The following DUSP16 variants were observed in gnomAD, a reference collection of about 807,000 sequenced individuals.
DUSP16 encodes dual specificity phosphatase 16.
Under a neutral mutation model 58.3 loss-of-function variants are expected in DUSP16, and 21 were observed. The observed-to-expected ratio is 0.36, with a 90% CI of 0.26 to 0.52. The LOEUF (loss-of-function observed/expected upper bound fraction) is 0.52. Among genes scored for constraint, DUSP16 ranks in the 20% least tolerant of loss-of-function variants. The probability of loss-of-function intolerance (pLI) is 0.94; values close to 1 mark genes in which losing one functional copy is unlikely to be tolerated. For synonymous variants in DUSP16, 320 were observed against 323.8 expected, an observed-to-expected ratio of 0.99 and a Z score of 0.12; for missense variants, 726 against 819.0, an observed-to-expected ratio of 0.89 and a Z score of 1.39.
rs932946358 is a variant in DUSP16, at chr12:12,539,938, C to CGGGAGGCTG, written c.-365-18484_-365-18476dup. 4.0e-5 allele frequency among the ~76,000 whole-genome samples: 6 copies of CGGGAGGCTG among 151,768 alleles called. No individual in the cohort carries two copies. The South Asian group carries it at 1.3e-3, about 32-fold the overall frequency. ...GCGTGGTAGCATAGTCCCAGCTACT[C>CGGGAGGCTG]GGGAGGCTGGGGAGGCTGAAGCAGG... On this transcript the variant is annotated intron_variant, in intron 1 of 6. Transcript: ENST00000298573.
At chr12:12,512,230 A>G (rs889867109) in intron 3 of DUSP16, among the ~76,000 whole-genome samples, 1 of 152,224 alleles carries the variant, frequency 6.6e-6, no homozygotes, top group Non-Finnish European at 1.5e-5. Context: ...TATGATTAAC[A>G]AACAAAAATT....
At chr12:12,492,402 A>G (rs992757372) in intron 4 of DUSP16, among the ~76,000 whole-genome samples, 2 of 152,130 alleles carry the variant, frequency 1.3e-5, no homozygotes, top group Admixed American at 6.5e-5. Context: ...GCCCAGATAT[A>G]ATGCCTTCCC....
chr12:12,478,202 T>C (rs1441705339), intron 6 of DUSP16, among the ~76,000 whole-genome samples, 187 bp from the exon 7 acceptor site: 1 of 152,096 alleles, frequency 6.6e-6, no homozygotes, highest in African/African-American at 2.4e-5. Context: ...TGGGGAAGCT[T>C]TGCACACATC....
chr12:12,523,756 G>A (rs1385635766), intron 1 of DUSP16, among the ~76,000 whole-genome samples: 2 of 152,242 alleles, frequency 1.3e-5, no homozygotes, highest in Admixed American at 6.5e-5. Flanking sequence ...CAGAGTTCAC[G>A]GCAATGTAAG....
intron 3 of DUSP16, among the ~76,000 whole-genome samples, chr12:12,511,094 T>A (rs1944071887): frequency 6.6e-6 from 1 of 152,234 alleles, no homozygotes; most frequent in African/African-American, 2.4e-5. Flanking sequence ...GTAATCTGAA[T>A]TAGTTAAAAA....
rs1167825064 is a variant in DUSP16, at chr12:12,477,603, A to C, written c.1228T>G (p.Ser410Ala). The C allele has an allele frequency of 1.2e-6, 2 of 1,614,230 alleles. No individual in the cohort carries two copies. Among genetic ancestry groups the C allele is most frequent in the East Asian group, 4.5e-5 (2 of 44,882 alleles). The change falls in exon 7 of 7, where the codon TCA becomes GCA. Residue 410 changes from serine (S) to alanine (A), a missense_variant. Transcript: ENST00000298573. The surrounding 1 kb of genome is among the most constrained non-coding windows in gnomAD (Gnocchi z 4.1). ...TGTAAGGATGCTGCCATGCTGGCTG[A>C]ATATGAAACTGATTTGATATCCAGA... ...FSLDIKSVSY[S>A]ASMAASLHGF...
rs1309373163 is a variant in DUSP16 at position 12,521,333 on chromosome 12, T to C, written c.-235A>G. On this transcript the variant is annotated 5_prime_UTR_variant, in exon 2 of 7. The change abolishes the stop of an existing upstream ORF in the 5' untranslated region. Coordinates refer to ENST00000298573, the MANE Select transcript of DUSP16 (RefSeq NM_030640.3). ...AGGACTCCGTCCACAAAGCAGCCCCTCACATTTGATTCATAAAGAGATGAC... is the reference window on the plus strand; with the variant it reads ...AGGACTCCGTCCACAAAGCAGCCCCCCACATTTGATTCATAAAGAGATGAC... 6 of 1,395,656 alleles carry C rather than the reference T, an allele frequency of 4.3e-6. No individual in the cohort carries two copies. The highest frequency in any genetic ancestry group is 4.6e-6 in the Non-Finnish European group (5 of 1,075,432). The allele number at this position is 1,395,656 out of a possible 1,614,324, so 86.5% of individuals were successfully genotyped here.
intron 5 of DUSP16, among the ~76,000 whole-genome samples, chr12:12,482,966 G>A (rs909776206): frequency 3.3e-5 from 5 of 152,102 alleles, no homozygotes; most frequent in Non-Finnish European, 5.9e-5. Context: ...TCCCGCCTCC[G>A]CTTCCCAAAG....
chr12:12,491,773 T>G (rs1268701687), intron 4 of DUSP16, among the ~76,000 whole-genome samples: 3 of 152,210 alleles, frequency 2.0e-5, no homozygotes, highest in African/African-American at 7.2e-5. Context: ...TAGCCTGGTC[T>G]CTGTCATTAC....
intron 3 of DUSP16, among the ~76,000 whole-genome samples, chr12:12,516,644 T>C (rs970661995): frequency 1.2e-4 from 18 of 152,348 alleles, no homozygotes; most frequent in Admixed American, 1.1e-3. Context: ...TCATATTAGA[T>C]ATTTTCCCAT....
intron 1 of DUSP16, chr12:12,561,067 T>A (rs1482786984): frequency 1.3e-5 from 2 of 152,100 alleles, no homozygotes; most frequent in Non-Finnish European, 2.9e-5. Flanking sequence ...TTACTTATAA[T>A]CTTTTAAAAC....
At chr12:12,548,450 G>A (rs1442495218) in intron 1 of DUSP16, among the ~76,000 whole-genome samples, 2 of 151,828 alleles carry the variant, frequency 1.3e-5, no homozygotes, top group Admixed American at 6.6e-5. Context: ...TGGCCAACAC[G>A]GTGAAACCCC....
chr12:12,518,488 G>C (rs575224465), intron 3 of DUSP16, among the ~76,000 whole-genome samples: 1 of 151,758 alleles, frequency 6.6e-6, no homozygotes, highest in South Asian at 2.1e-4. Context: ...ACTCTAGCCT[G>C]GGCGACAGGG....
intron 5 of DUSP16, among the ~76,000 whole-genome samples, chr12:12,484,138 CA>C (rs1943632382): frequency 2.0e-5 from 3 of 151,742 alleles, no homozygotes; most frequent in Non-Finnish European, 2.9e-5. Context: ...AGAACAACAA[CA>C]AAAAACCCCA....
chr12:12,522,256 C>G (rs1333074183), intron 1 of DUSP16, among the ~76,000 whole-genome samples: 2 of 152,152 alleles, frequency 1.3e-5, no homozygotes, highest in African/African-American at 2.4e-5. Flanking sequence ...CTTTTTCCTG[C>G]TTCATTCTTC....
intron 3 of DUSP16, among the ~76,000 whole-genome samples, chr12:12,514,680 T>C (rs1478000869): frequency 6.6e-6 from 1 of 152,128 alleles, no homozygotes; most frequent in Non-Finnish European, 1.5e-5. Flanking sequence ...TCTTTTTTCT[T>C]CTTTTGGAGA....
At chr12:12,559,162 T>C (rs545098008) in intron 1 of DUSP16, among the ~76,000 whole-genome samples, 30 of 152,088 alleles carry the variant, frequency 2.0e-4, no homozygotes, top group African/African-American at 6.0e-4. Flanking sequence ...AAAAAAAAAA[T>C]TGACATCTGG....
intron 1 of DUSP16, among the ~76,000 whole-genome samples, chr12:12,532,481 A>AT (rs1300071814): frequency 1.7e-4 from 26 of 152,250 alleles, no homozygotes; most frequent in African/African-American, 5.5e-4. Flanking sequence ...AAACATAGTA[A>AT]TAGTTTTACT....
chr12:12,533,868 T>TA (rs1171443077), intron 1 of DUSP16, among the ~76,000 whole-genome samples: 1 of 152,256 alleles, frequency 6.6e-6, no homozygotes, highest in Non-Finnish European at 1.5e-5. Context: ...CAGTGATCAC[T>TA]AATATCTAAA....
Sources: gnomAD v4.1 joint callset for allele counts (sites outside exome capture counted in the v4.1 genomes callset) on GRCh38, gnomAD v4.1.1 for gene constraint, Gnocchi (gnomAD v3.1) non-coding constraint, MANE v1.5 for transcripts, NCBI Gene and HGNC (gene_info 2026-07-23, HGNC 2026-07-21) for gene names.